Variants in FRMD7 observed in about 807,000 individuals in gnomAD.
FRMD7 encodes FERM domain-containing protein 7.
FRMD7 carries 14 observed loss-of-function variants against 44.1 expected under a neutral mutation model. The ratio of observed to expected loss-of-function variants is 0.32; its 90% CI spans 0.21 to 0.50. The LOEUF is 0.50. Ranked by LOEUF, FRMD7 falls within the 20% of genes least tolerant of loss-of-function variation. FRMD7 has a pLI of 0.99. For synonymous variants in FRMD7, 212 were observed against 187.4 expected (o/e 1.13, Z -1.07); for missense variants, 501 against 522.3 (o/e 0.96, Z 0.40).
intron 4 of FRMD7, among the ~76,000 whole-genome samples, chrX:132,094,931 TA>T (rs1392333925): frequency 9.0e-6 from 1 of 111,655 alleles, no homozygotes; most frequent in East Asian, 2.8e-4. Flanking sequence ...GCTAAACAGA[TA>T]ACATTTATCC....
chrX:132,126,258 T>C (rs898512136), intron 1 of FRMD7, among the ~76,000 whole-genome samples: 5 of 111,922 alleles, frequency 4.5e-5, no homozygotes, highest in African/African-American at 1.6e-4. Context: ...TGGTTGCTAC[T>C]TACAAAGCAT....
chrX:132,119,058 C>G (rs916413143), intron 1 of FRMD7, among the ~76,000 whole-genome samples: 9 of 111,693 alleles, frequency 8.1e-5, no homozygotes, highest in Admixed American at 7.6e-4. Flanking sequence ...CACATCACAC[C>G]ATAATATACA....
intron 8 of FRMD7, among the ~76,000 whole-genome samples, chrX:132,083,679 C>G (rs1365145600): frequency 3.6e-5 from 4 of 112,395 alleles, no homozygotes; most frequent in Non-Finnish European, 7.5e-5. Flanking sequence ...AAATTCCTTT[C>G]TAGACTAAGT....
At chrX:132,079,888 A>G in intron 11 of FRMD7, 118 bp downstream of exon 11, 2 of 583,743 alleles carry the variant, frequency 3.4e-6, no homozygotes, top group Non-Finnish European at 6.1e-6. Flanking sequence ...AAGCTAACCT[A>G]CTCAAACAGA....
rs1380867867 is a variant in FRMD7, at chrX:132,101,565, A to G, written c.58-849T>C. Among the ~76,000 whole-genome samples, 12 of 112,026 alleles carry G rather than the reference A, an allele frequency of 1.1e-4. 2 individuals are homozygous for G. The Admixed American group carries it at 1.1e-3, about 11-fold the overall frequency. On this transcript the variant is annotated intron_variant, in intron 1 of 11. Coordinates refer to ENST00000298542, the MANE Select transcript of FRMD7 (RefSeq NM_194277.3). Reference sequence around the variant, plus strand: ...TGCTTTATTTTTCTTGTTACTCACCAGTTCTAATTCAGAGCCTGGCACATA... The same window carrying G: ...TGCTTTATTTTTCTTGTTACTCACCGGTTCTAATTCAGAGCCTGGCACATA...
chrX:132,086,126 C>T (rs1927982020), intron 5 of FRMD7, 92 bp from the exon 6 acceptor site: 2 of 582,513 alleles, frequency 3.4e-6, no homozygotes, highest in African/African-American at 4.4e-5. Flanking sequence ...TCAAACAGCC[C>T]CTTCTTTGTA....
At chrX:132,087,765 C>G (rs1157753412) in intron 5 of FRMD7, among the ~76,000 whole-genome samples, 1 of 111,314 alleles carries the variant, frequency 9.0e-6, no homozygotes, top group Admixed American at 9.5e-5. Context: ...GACTACAGGT[C>G]AACATTCCTC....
chrX:132,090,890 A>T (rs757960226), intron 5 of FRMD7, among the ~76,000 whole-genome samples: 95 of 111,394 alleles, frequency 8.5e-4, no homozygotes, highest in Non-Finnish European at 1.4e-3. Context: ...TACAACTATG[A>T]CATACGAATG....
chrX:132,117,921 T>C (rs766813742), intron 1 of FRMD7, among the ~76,000 whole-genome samples: 1 of 112,271 alleles, frequency 8.9e-6, no homozygotes, highest in Non-Finnish European at 1.9e-5. Context: ...AGAAACTGAA[T>C]TTTCCCAGCT....
At chrX:132,127,647 T>TGTAGTTCA in intron 1 of FRMD7, 141 bp downstream of exon 1, 1 of 543,113 alleles carries the variant, frequency 1.8e-6, no homozygotes, top group Non-Finnish European at 3.3e-6. Flanking sequence ...TAAATACAGA[T>TGTAGTTCA]TATTTTTCCA....
chrX:132,112,533 C>T (rs1488029295), intron 1 of FRMD7, among the ~76,000 whole-genome samples: 1 of 111,651 alleles, frequency 9.0e-6, no homozygotes, highest in Non-Finnish European at 1.9e-5. Flanking sequence ...TGCTTGTGCA[C>T]GTGTGAAATT....
chrX:132,100,547 C>G (rs1198025418), intron 2 of FRMD7, 65 bp downstream of exon 2: 2 of 747,517 alleles, frequency 2.7e-6, no homozygotes, highest in African/African-American at 4.1e-5. Flanking sequence ...CCCTACATAC[C>G]TAGCTGCAAA....
At chrX:132,103,683 C>A (rs773353311) in intron 1 of FRMD7, among the ~76,000 whole-genome samples, 1 of 111,967 alleles carries the variant, frequency 8.9e-6, no homozygotes, top group South Asian at 3.7e-4. Flanking sequence ...AACAAATCTA[C>A]CAAATTTTCT....
Position 132,080,052 on chromosome X carries a change from C to T in FRMD7, c.1004G>A (p.Arg335Gln), listed in dbSNP as rs769410120. Reference protein sequence around the residue: ...RKHYPSQYHERQCRSSPDLLS... With the variant: ...RKHYPSQYHEQQCRSSPDLLS... The stretch of plus-strand genomic sequence containing the variant: ...GAGGTCTGGTGAGGACCTGCACTGT[C>T]GTTCATGGTACTGAGATGGGTAATG... Residue 335 changes from arginine (R) to glutamine (Q), a missense_variant, in exon 11 of 12, where the codon CGA (arginine) becomes CAA (glutamine). This residue lies in a region of FRMD7 where 453 missense variants were observed against 452.7 expected (regional missense o/e 1.00). Transcript: ENST00000298542. 6 of 1,200,321 alleles carry T rather than the reference C, an allele frequency of 5.0e-6. No homozygotes were observed. The highest frequency in any genetic ancestry group is 3.5e-5 in the African/African-American group (2 of 57,015).
At chrX:132,089,042 A>G (rs1928086213) in intron 5 of FRMD7, among the ~76,000 whole-genome samples, 1 of 112,214 alleles carries the variant, frequency 8.9e-6, no homozygotes, top group African/African-American at 3.2e-5. Flanking sequence ...TAACCAAACT[A>G]TTTTGAAAAA....
At chrX:132,095,672 A>G (rs765128436) in intron 4 of FRMD7, among the ~76,000 whole-genome samples, 1 of 112,254 alleles carries the variant, frequency 8.9e-6, no homozygotes, top group East Asian at 2.8e-4. Context: ...TCAATTAGAA[A>G]AATTACATTT....
rs1057515770 is a variant in FRMD7 at position 132,077,676 on chromosome X, C to G, written c.*196G>C. 4.5e-5 allele frequency: 25 copies of G among 555,388 alleles called. No homozygotes were observed. The highest frequency in any genetic ancestry group is 6.8e-5 in the Non-Finnish European group (24 of 352,783). 45.8% of individuals were successfully genotyped at this position (555,388 alleles called of 1,213,427 possible). On this transcript the variant is annotated 3_prime_UTR_variant, in exon 12 of 12. Transcript: ENST00000298542. The stretch of plus-strand genomic sequence containing the variant: ...GAGGAGAGGGCATGTTCTAAAGTCC[C>G]TTCAGAGGTAATGGAAGAGTGAAAC...
chrX:132,120,446 A>C (rs1929006718), intron 1 of FRMD7, among the ~76,000 whole-genome samples: 1 of 112,937 alleles, frequency 8.9e-6, no homozygotes, highest in African/African-American at 3.2e-5. Context: ...GGCCCCGACT[A>C]ACTGAAATTT....
rs201366540 is a variant in FRMD7, at chrX:132,099,445, C to T, written c.205+23G>A. 1.3e-4 allele frequency: 155 copies of T among 1,171,545 alleles called. 1 individual carries two copies. The highest frequency in any genetic ancestry group is 4.4e-5 in the Admixed American group (2 of 45,351). ...CAAGCTCTAACTGTGAACTCTCTTC[C>T]TTAAATGATTTTCCATACTTACTTT... On this transcript the variant is annotated intron_variant, in intron 3 of 11. Coordinates refer to ENST00000298542, the MANE Select transcript of FRMD7 (RefSeq NM_194277.3).
Sources: gnomAD v4.1 joint callset for allele counts (sites outside exome capture counted in the v4.1 genomes callset) on GRCh38, gnomAD v4.1.1 for gene constraint, gnomAD v4.1.1 regional missense constraint, MANE v1.5 for transcripts, NCBI Gene and HGNC (gene_info 2026-07-23, HGNC 2026-07-21) for gene names.